DOCK8: variants seen among roughly 807,000 people sequenced by gnomAD.
DOCK8 encodes the protein dedicator of cytokinesis 8, also known as dedicator of cytokinesis protein 8.
DOCK8 carries 141 observed loss-of-function variants against 245.6 expected under a neutral mutation model. The observed-to-expected ratio is 0.57, with a 90% confidence interval of 0.50 to 0.66. The LOEUF is 0.66. Among genes scored for constraint, DOCK8 ranks in the 30% least tolerant of loss-of-function variants. The pLI, the probability that DOCK8 is intolerant of heterozygous loss-of-function variation, is 0.00. For missense variants in DOCK8, 2,965 were observed against 2,603.4 expected (o/e 1.14, Z -3.02); for synonymous variants, 1,168 against 970.2 (o/e 1.20, Z -3.79).
chr9:370,819 G>A (rs918657088), intron 16 of DOCK8, among the ~76,000 whole-genome samples: 1 of 152,206 alleles, frequency 6.6e-6, no homozygotes, highest in African/African-American at 2.4e-5. Context: ...AGTGTTGGAC[G>A]GAATTGGGTT....
chr9:420,812 G>C, intron 31 of DOCK8, 137 bp from the exon 32 acceptor site: 1 of 1,328,614 alleles, frequency 7.5e-7, no homozygotes, highest in Non-Finnish European at 1.1e-6. Context: ...TGGCCCATAG[G>C]ATGCTCCAGA....
At chr9:443,381 A>G in intron 42 of DOCK8, 46 bp from the exon 43 acceptor site, 1 of 1,550,730 alleles carries the variant, frequency 6.4e-7, no homozygotes, top group Non-Finnish European at 8.9e-7. Flanking sequence ...AAAGAGTTGC[A>G]TTATGTTAAA....
At chr9:403,858 ATCTCTCTCTCTCTCTC>A (rs749646963) in intron 26 of DOCK8, among the ~76,000 whole-genome samples, 32 of 83,970 alleles carry the variant, frequency 3.8e-4, no homozygotes, top group African/African-American at 1.5e-3. Context: ...AAGACTCTGT[ATCTCTCTCTCTCTCTC>A]TCTCTCTCTC....
intron 7 of DOCK8, among the ~76,000 whole-genome samples, chr9:324,365 G>A (rs2050661637): frequency 6.6e-6 from 1 of 152,138 alleles, no homozygotes; most frequent in Non-Finnish European, 1.5e-5. Context: ...GATGTCTGAG[G>A]TAATGGTGGA....
chr9:221,824 TAA>T (rs1243064245), intron 1 of DOCK8, among the ~76,000 whole-genome samples: 2 of 142,272 alleles, frequency 1.4e-5, no homozygotes, highest in Admixed American at 7.0e-5. Flanking sequence ...TCTGTCTCAT[TAA>T]AAAAAAAAAA....
chr9:427,820 T>C (rs1348165699), intron 34 of DOCK8, among the ~76,000 whole-genome samples: 1 of 152,258 alleles, frequency 6.6e-6, no homozygotes, highest in Non-Finnish European at 1.5e-5. Context: ...ATGCTTGGTA[T>C]CACATTTACC....
intron 1 of DOCK8, among the ~76,000 whole-genome samples, chr9:217,820 T>C (rs913319858): frequency 3.9e-5 from 6 of 152,292 alleles, no homozygotes; most frequent in African/African-American, 1.4e-4. Flanking sequence ...AAAAGGAATC[T>C]TGGAGATACA....
chr9:414,728 C>G (rs1055385499), intron 28 of DOCK8, 54 bp from the exon 29 acceptor site: 9 of 1,611,258 alleles, frequency 5.6e-6, no homozygotes, highest in Non-Finnish European at 7.6e-6. Flanking sequence ...TTTAAGAGCT[C>G]TTTAGTCAAT....
At chr9:327,717 GAATT>G (rs1439375843) in intron 8 of DOCK8, among the ~76,000 whole-genome samples, 1 of 152,132 alleles carries the variant, frequency 6.6e-6, no homozygotes, top group Admixed American at 6.6e-5. Context: ...TCTTGATTGT[GAATT>G]AATTGAGAGC....
rs935521226 is a variant in DOCK8 at position 423,462 on chromosome 9, C to T, written c.4241+1327C>T. Among the ~76,000 whole-genome samples the T allele has an allele frequency of 1.2e-4, 19 of 152,322 alleles. No individual in the cohort carries two copies. In the East Asian group the frequency reaches 1.3e-3, roughly 11 times the overall value. On this transcript the variant is annotated intron_variant, in intron 33 of 47. Transcript: ENST00000432829. Reference sequence around the variant, plus strand: ...GTAGGATACCCCATGGGTGATGAAGCACCCATCAAAGGGGGTATGGGGCAG... The same window carrying T: ...GTAGGATACCCCATGGGTGATGAAGTACCCATCAAAGGGGGTATGGGGCAG...
intron 43 of DOCK8, among the ~76,000 whole-genome samples, chr9:445,147 CAT>C (rs937984797): frequency 2.6e-5 from 4 of 152,344 alleles, no homozygotes; most frequent in African/African-American, 7.2e-5. Context: ...TTCAGACACA[CAT>C]GTCTGGGAGA....
chr9:222,704 A>G (rs2046911259), intron 1 of DOCK8, among the ~76,000 whole-genome samples: 1 of 152,324 alleles, frequency 6.6e-6, no homozygotes, highest in Non-Finnish European at 1.5e-5. Flanking sequence ...GCAACCATAA[A>G]TGGTGAGAAC....
At chr9:373,534 C>G (rs1424880570) in intron 18 of DOCK8, among the ~76,000 whole-genome samples, 1 of 152,186 alleles carries the variant, frequency 6.6e-6, no homozygotes, top group Non-Finnish European at 1.5e-5. Flanking sequence ...TGTTACATCT[C>G]TGGAGACGCT....
At chr9:422,390 TTAA>T (rs1419425474) in intron 33 of DOCK8, among the ~76,000 whole-genome samples, 1 of 152,220 alleles carries the variant, frequency 6.6e-6, no homozygotes, top group African/African-American at 2.4e-5. Context: ...CTCAGATGGC[TTAA>T]TAAAAGCAGC....
At position 328,367 on chromosome 9, in the gene DOCK8, C is replaced by T. The variant is rs4741809; in HGVS notation, c.1044+196C>T. On this transcript the variant is annotated intron_variant, in intron 9 of 47. Transcript: ENST00000432829. ...CTAGAAAGACTAGGTTTTGGAGACACACAGACCTAGGTTTGAGTCCTGGCT... is the reference window on the plus strand; with the variant it reads ...CTAGAAAGACTAGGTTTTGGAGACATACAGACCTAGGTTTGAGTCCTGGCT... 0.53 allele frequency among the ~76,000 whole-genome samples: 80,942 copies of T among 152,096 alleles called. 23,203 individuals carry two copies. The highest frequency in any genetic ancestry group is 0.74 in the African/African-American group (30,618 of 41,504).
chr9:218,727 A>C (rs2046818865), intron 1 of DOCK8, among the ~76,000 whole-genome samples: 1 of 152,336 alleles, frequency 6.6e-6, no homozygotes, highest in South Asian at 2.1e-4. Flanking sequence ...TTAAAGTAAA[A>C]TAAGAACCTT....
intron 46 of DOCK8, chr9:458,521 G>A (rs1408110589): frequency 6.6e-6 from 1 of 152,202 alleles, no homozygotes; most frequent in African/African-American, 2.4e-5. Flanking sequence ...CTGAAAAAGG[G>A]GGGCCAAGGC....
intron 1 of DOCK8, among the ~76,000 whole-genome samples, chr9:232,474 C>T (rs896001930): frequency 2.0e-5 from 3 of 152,156 alleles, no homozygotes; most frequent in African/African-American, 7.2e-5. Flanking sequence ...AGGAATGGTA[C>T]CAGCTCCTCT....
intron 11 of DOCK8, among the ~76,000 whole-genome samples, chr9:334,856 C>T (rs1015753715): frequency 5.9e-5 from 9 of 152,046 alleles, no homozygotes; most frequent in African/African-American, 1.7e-4. Context: ...CCGAGGTAGG[C>T]GGATCGCTTG....
Sources: gnomAD v4.1 joint callset for allele counts (sites outside exome capture counted in the v4.1 genomes callset) on GRCh38, gnomAD v4.1.1 for gene constraint, MANE v1.5 for transcripts, NCBI Gene and HGNC (gene_info 2026-07-23, HGNC 2026-07-21) for gene names.